The following EVA1C variants were observed in gnomAD, a reference collection of about 807,000 sequenced individuals.
EVA1C encodes the protein eva-1 homolog C, also known as protein eva-1 homolog C.
Under a neutral mutation model 45.4 loss-of-function variants are expected in EVA1C, and 25 were observed. The ratio of observed to expected loss-of-function variants is 0.55; its 90% CI spans 0.40 to 0.77. The LOEUF (loss-of-function observed/expected upper bound fraction) is 0.77. Among genes scored for constraint, EVA1C ranks in the 30% least tolerant of loss-of-function variants. EVA1C has a pLI of 0.00. For synonymous variants in EVA1C, 190 were observed against 221.2 expected, an observed-to-expected ratio of 0.86 and a Z score of 1.25; for missense variants, 479 against 554.8, an observed-to-expected ratio of 0.86 and a Z score of 1.37.
chr21:32,416,220 G>GAA (rs1414891451), intron 1 of EVA1C, among the ~76,000 whole-genome samples: 270 of 152,010 alleles, frequency 1.8e-3, no homozygotes, highest in Middle Eastern at 3.4e-3. Flanking sequence ...GTGTGTGTGT[G>GAA]TGTGTGTGCT....
At chr21:32,439,675 C>T (rs1354039952) in intron 1 of EVA1C, among the ~76,000 whole-genome samples, 2 of 152,062 alleles carry the variant, frequency 1.3e-5, no homozygotes, top group Non-Finnish European at 2.9e-5. Flanking sequence ...TTGCCATTTA[C>T]ATCTGCTTCA....
At chr21:32,484,772 G>T (rs1490786100) in intron 4 of EVA1C, among the ~76,000 whole-genome samples, 2 of 152,064 alleles carry the variant, frequency 1.3e-5, no homozygotes, top group South Asian at 2.1e-4. Context: ...CTAAGACCCA[G>T]TGAGCTCCCT....
chr21:32,500,097 G>A (rs1425184029), intron 5 of EVA1C, among the ~76,000 whole-genome samples: 2 of 152,036 alleles, frequency 1.3e-5, no homozygotes, highest in African/African-American at 4.8e-5. Context: ...AGAAGAGTAG[G>A]TGCTGGGAGA....
At chr21:32,429,052 G>A (rs377357187) in intron 1 of EVA1C, among the ~76,000 whole-genome samples, 1 of 151,758 alleles carries the variant, frequency 6.6e-6, no homozygotes, top group East Asian at 1.9e-4. Context: ...ACAGGGTCTC[G>A]CTCTGTCGCC....
chr21:32,488,000 A>T (rs1309925060), intron 4 of EVA1C, among the ~76,000 whole-genome samples: 1 of 152,130 alleles, frequency 6.6e-6, no homozygotes, highest in African/African-American at 2.4e-5. Context: ...GTCTTGTGGG[A>T]CTGGGCCCTT....
chr21:32,416,321 C>CTT (rs909665670), intron 1 of EVA1C, among the ~76,000 whole-genome samples: 55 of 134,296 alleles, frequency 4.1e-4, no homozygotes, highest in East Asian at 3.3e-3. Context: ...TTTTCTTTTT[C>CTT]TTTTTTTTTT....
intron 3 of EVA1C, among the ~76,000 whole-genome samples, chr21:32,461,761 T>G (rs1288155676): frequency 6.6e-6 from 1 of 152,212 alleles, no homozygotes; most frequent in Non-Finnish European, 1.5e-5. Context: ...CACCGGAACC[T>G]TCTTTTCCCT....
intron 4 of EVA1C, chr21:32,473,954 G>A (rs1444345180): frequency 2.0e-6 from 2 of 985,302 alleles, no homozygotes; most frequent in Admixed American, 6.1e-5. Context: ...AAGGGCTCTG[G>A]CATTTTGGCT....
intron 7 of EVA1C, among the ~76,000 whole-genome samples, chr21:32,509,601 G>T (rs1405646355): frequency 6.6e-6 from 1 of 152,146 alleles, no homozygotes. Context: ...ATGGCACTGG[G>T]GATTTGGCAA....
intron 1 of EVA1C, among the ~76,000 whole-genome samples, chr21:32,417,616 A>T (rs2034101001): frequency 6.6e-6 from 1 of 152,220 alleles, no homozygotes; most frequent in Non-Finnish European, 1.5e-5. Context: ...AATAAACCTG[A>T]CTGATAGCTC....
At chr21:32,413,484 G>T (rs1445066386) in intron 1 of EVA1C, among the ~76,000 whole-genome samples, 2 of 152,230 alleles carry the variant, frequency 1.3e-5, no homozygotes, top group African/African-American at 4.8e-5. Flanking sequence ...AGGGAAGCCC[G>T]CGGGGACTGG....
chr21:32,429,634 A>AAAATGC (rs2034622991), intron 1 of EVA1C, among the ~76,000 whole-genome samples: 2 of 152,170 alleles, frequency 1.3e-5, no homozygotes, highest in Middle Eastern at 3.2e-3. Context: ...GATTACAGGT[A>AAAATGC]TGAGTCACTA....
intron 3 of EVA1C, among the ~76,000 whole-genome samples, chr21:32,459,822 C>G (rs1476463171): frequency 4.1e-5 from 5 of 122,784 alleles, no homozygotes; most frequent in Non-Finnish European, 7.9e-5. Flanking sequence ...GCCTGGGTGA[C>G]AGAGCGAGAC....
In EVA1C at chr21:32,415,677, T is replaced by C. The variant is rs575303972; in HGVS notation, c.160+2664T>C. Among the ~76,000 whole-genome samples the C allele has an allele frequency of 9.2e-5, 14 of 152,190 alleles. No homozygotes were observed. The Middle Eastern group carries it at 0.014, about 148-fold the overall frequency. On this transcript the variant is annotated intron_variant, in intron 1 of 7. Transcript: ENST00000300255. ...CCCTCCTCCTCCCTGTCCATGCTCG[T>C]GACTTGTTCTAATCACCTCCAAGCT...
chr21:32,482,664 G>A (rs1211820053), intron 4 of EVA1C, among the ~76,000 whole-genome samples: 2 of 152,172 alleles, frequency 1.3e-5, no homozygotes, highest in Non-Finnish European at 2.9e-5. Context: ...TCGAACCCCA[G>A]CAGCTGTCAG....
chr21:32,512,473 C>T (rs936719683), intron 7 of EVA1C, among the ~76,000 whole-genome samples: 4 of 152,138 alleles, frequency 2.6e-5, no homozygotes, highest in African/African-American at 9.7e-5. Flanking sequence ...TAGCTCAAGT[C>T]GCTGCTGGAA....
intron 1 of EVA1C, among the ~76,000 whole-genome samples, chr21:32,419,342 G>A (rs746057558): frequency 3.3e-5 from 5 of 152,136 alleles, no homozygotes; most frequent in Admixed American, 6.6e-5. Flanking sequence ...CCTGACTTGC[G>A]TACTGCTCTC....
intron 4 of EVA1C, among the ~76,000 whole-genome samples, chr21:32,470,077 C>T (rs150089156): frequency 1.1e-3 from 172 of 152,244 alleles, no homozygotes; most frequent in Non-Finnish European, 2.0e-3. Flanking sequence ...CAAGGACCTG[C>T]GCTTATTGAT....
intron 4 of EVA1C, among the ~76,000 whole-genome samples, chr21:32,488,119 A>T (rs1352190547): frequency 6.6e-6 from 1 of 152,320 alleles, no homozygotes; most frequent in East Asian, 1.9e-4. Context: ...CAAACCTTAT[A>T]TCTGATAAGG....
Sources: gnomAD v4.1 joint callset for allele counts (sites outside exome capture counted in the v4.1 genomes callset) on GRCh38, gnomAD v4.1.1 for gene constraint, MANE v1.5 for transcripts, NCBI Gene and HGNC (gene_info 2026-07-23, HGNC 2026-07-21) for gene names.